Variants in TENM1 observed in about 807,000 individuals in gnomAD.
The protein encoded by TENM1 is teneurin transmembrane protein 1, also known as teneurin-1.
TENM1 carries 35 observed loss-of-function variants against 174.8 expected under a neutral mutation model. The ratio of observed to expected loss-of-function variants is 0.20; its 90% CI spans 0.15 to 0.27. The LOEUF is 0.27. Among genes scored for constraint, TENM1 ranks in the 10% least tolerant of loss-of-function variants. The pLI is 1.00. For missense variants in TENM1, 1,633 were observed against 2,130.1 expected, an observed-to-expected ratio of 0.77 and a Z score of 4.59; for synonymous variants, 781 against 798.7, an observed-to-expected ratio of 0.98 and a Z score of 0.37.
chrX:125,086,246 T>C, the TENM1 span, among the ~76,000 whole-genome samples: 1 of 111,322 alleles, frequency 9.0e-6, no homozygotes, highest in South Asian at 3.7e-4. Flanking sequence ...TATTATCTTA[T>C]TCATGTTTTA....
exon 7 of TENM1, chrX:124,653,587 A>G: frequency 8.3e-7 from 1 of 1,205,250 alleles, no homozygotes; most frequent in Non-Finnish European, 1.1e-6. Context: ...CAAATACCTG[A>G]GTATGTGTAG....
rs774093281 is a variant in TENM1, at chrX:124,726,746, T to C, written c.776+10211A>G. Among the ~76,000 whole-genome samples the C allele has an allele frequency of 6.2e-5, 7 of 112,101 alleles. No homozygotes were observed. The South Asian group carries it at 2.2e-3, about 36-fold the overall frequency. On this transcript the variant is annotated intron_variant, in intron 4 of 31. Coordinates refer to ENST00000422452, the Ensembl canonical transcript of TENM1. ...CATTGCAAATGTTCTAGAAAAAAAC[T>C]ACTTATAAATGTTAGGTATATTTTA...
At chrX:124,992,487 C>T in the TENM1 span, among the ~76,000 whole-genome samples, 1 of 111,670 alleles carries the variant, frequency 9.0e-6, no homozygotes, top group South Asian at 3.8e-4. Context: ...CCCCTGTTCT[C>T]CAAGGCAGGT....
At chrX:124,594,614 G>T (rs1265592106) in intron 11 of TENM1, among the ~76,000 whole-genome samples, 1 of 111,727 alleles carries the variant, frequency 9.0e-6, no homozygotes, top group African/African-American at 3.3e-5. Context: ...AACATGAGAT[G>T]ATAGATATTT....
chrX:124,536,725 A>G (rs890302114), intron 15 of TENM1, among the ~76,000 whole-genome samples: 1 of 112,009 alleles, frequency 8.9e-6, no homozygotes, highest in Non-Finnish European at 1.9e-5. Flanking sequence ...ATTTAGACAC[A>G]TGATTATTTT....
the TENM1 span, among the ~76,000 whole-genome samples, chrX:125,147,181 ATG>A: frequency 4.2e-4 from 46 of 109,247 alleles, 1 homozygote; most frequent in Non-Finnish European, 1.3e-4. Flanking sequence ...TATCACATAT[ATG>A]TGTGTATACA....
At chrX:124,996,707 C>T in the TENM1 span, among the ~76,000 whole-genome samples, 4 of 110,732 alleles carry the variant, frequency 3.6e-5, no homozygotes, top group Admixed American at 2.9e-4. Context: ...TAAGCAATTT[C>T]GAAGGTACAG....
At chrX:125,182,450 G>GGGC in the TENM1 span, among the ~76,000 whole-genome samples, 5 of 84,037 alleles carry the variant, frequency 5.9e-5, no homozygotes, top group African/African-American at 2.6e-4. Flanking sequence ...TCTTTTCGGC[G>GGGC]GGCGGGGGGG....
rs147805443 is a variant in TENM1 at position 124,814,056 on chromosome X, A to G, written c.536-76859T>C. Among the ~76,000 whole-genome samples, 165 of 111,821 alleles carry G rather than the reference A, an allele frequency of 1.5e-3. 1 individual carries two copies. The highest frequency in any genetic ancestry group is 5.1e-3 in the African/African-American group (156 of 30,848). ...TCAATTGTATAGATGGCTGAAGGAT[A>G]GAATGGCCAAGAGGGAGACAGCATA... is the stretch of plus-strand genomic sequence containing the variant. On this transcript the variant is annotated intron_variant, in intron 3 of 31. Transcript: ENST00000422452.
intron 4 of TENM1, among the ~76,000 whole-genome samples, chrX:124,716,530 G>A: frequency 8.9e-6 from 1 of 112,346 alleles, no homozygotes; most frequent in Admixed American, 9.4e-5. Context: ...ATAGGCATGA[G>A]TGGGGCAGGA....
intron 14 of TENM1, among the ~76,000 whole-genome samples, chrX:124,555,858 T>C (rs1047454661): frequency 8.9e-6 from 1 of 111,998 alleles, no homozygotes; most frequent in African/African-American, 3.2e-5. Context: ...GGATCGATGA[T>C]GAACAGCAGT....
intron 1 of TENM1, among the ~76,000 whole-genome samples, chrX:124,944,906 G>T (rs766754794): frequency 1.8e-5 from 2 of 110,853 alleles, no homozygotes; most frequent in East Asian, 5.7e-4. Flanking sequence ...TGACCATAAT[G>T]TCTCAGTTTT....
intron 27 of TENM1, among the ~76,000 whole-genome samples, chrX:124,404,519 G>A (rs2060440165): frequency 9.0e-6 from 1 of 111,405 alleles, no homozygotes; most frequent in African/African-American, 3.3e-5. Context: ...TATCCCTCTG[G>A]CCCTGGATAT....
At chrX:125,061,001 T>TTATA in the TENM1 span, among the ~76,000 whole-genome samples, 39 of 104,786 alleles carry the variant, frequency 3.7e-4, no homozygotes, top group African/African-American at 1.1e-3. Context: ...CTTGGAGATT[T>TTATA]TATATATATA....
chrX:124,814,813 T>C (rs912439856), intron 3 of TENM1, among the ~76,000 whole-genome samples: 4 of 111,758 alleles, frequency 3.6e-5, no homozygotes, highest in Non-Finnish European at 7.5e-5. Flanking sequence ...ATAATTCCAG[T>C]TCCTGACCTG....
At chrX:125,103,548 G>A in the TENM1 span, among the ~76,000 whole-genome samples, 166 of 111,283 alleles carry the variant, frequency 1.5e-3, 3 homozygotes, top group Non-Finnish European at 8.7e-4. Context: ...TAATCAAAGC[G>A]CCAGAAATAG....
At chrX:124,879,344 A>T (rs2057264454) in intron 3 of TENM1, among the ~76,000 whole-genome samples, 1 of 111,955 alleles carries the variant, frequency 8.9e-6, no homozygotes, top group Admixed American at 9.5e-5. Context: ...TCAACTTTTA[A>T]ACCTCCACAT....
intron 3 of TENM1, among the ~76,000 whole-genome samples, chrX:124,790,927 T>A (rs2055165333): frequency 9.0e-6 from 1 of 111,644 alleles, no homozygotes; most frequent in South Asian, 3.7e-4. Flanking sequence ...TGGGTTAGCA[T>A]TTTACTTAGG....
chrX:124,846,811 A>T (rs2056617489), intron 3 of TENM1, among the ~76,000 whole-genome samples: 1 of 111,589 alleles, frequency 9.0e-6, no homozygotes, highest in Admixed American at 9.5e-5. Flanking sequence ...TAAGTTTTTA[A>T]TGATGAGTTT....
Sources: gnomAD v4.1 joint callset for allele counts (sites outside exome capture counted in the v4.1 genomes callset) on GRCh38, gnomAD v4.1.1 for gene constraint, MANE v1.5 for transcripts, NCBI Gene and HGNC (gene_info 2026-07-23, HGNC 2026-07-21) for gene names.